Variants in PCDH15 observed in about 807,000 individuals in gnomAD.
PCDH15 encodes the protein protocadherin-15.
In PCDH15, 129 loss-of-function variants were observed where a neutral mutation model predicts 178.5. The observed-to-expected ratio is 0.72, with a 90% CI of 0.63 to 0.84. The LOEUF (loss-of-function observed/expected upper bound fraction) is 0.84. PCDH15 is among the 40% of genes least tolerant of loss of function. The probability of loss-of-function intolerance (pLI) is 0.00; values close to 1 mark genes in which losing one functional copy is unlikely to be tolerated. For missense variants in PCDH15, 2,230 were observed against 2,099.9 expected, an observed-to-expected ratio of 1.06 and a Z score of -1.21; for synonymous variants, 800 against 732.0, an observed-to-expected ratio of 1.09 and a Z score of -1.50.
intron 2 of PCDH15, among the ~76,000 whole-genome samples, chr10:55,141,959 G>C (rs1838363997): frequency 6.6e-6 from 1 of 151,924 alleles, no homozygotes; most frequent in South Asian, 2.1e-4. Context: ...ATTCAGGAAG[G>C]CCACATTCTG....
In PCDH15 at chr10:53,977,854, T is replaced by C. The variant is rs777537447; in HGVS notation, c.2869-15962A>G. Among the ~76,000 whole-genome samples, 44 of 152,184 alleles carry C rather than the reference T, an allele frequency of 2.9e-4. 1 individual carries two copies. Among genetic ancestry groups the C allele is most frequent in the Admixed American group, 2.0e-4 (3 of 15,280 alleles). ...TAAAATGAAGGGGCTACAGGCCCCA[T>C]GCATGTCTAAAATCCAGGGGGGAAG... On this transcript the variant is annotated intron_variant, in intron 21 of 37. Transcript: ENST00000644397.
chr10:55,267,877 T>C (rs1321334957), intron 1 of PCDH15, among the ~76,000 whole-genome samples: 1 of 152,188 alleles, frequency 6.6e-6, no homozygotes, highest in African/African-American at 2.4e-5. Flanking sequence ...CCTAAAAATA[T>C]ATTGGTGTCC....
chr10:54,100,226 G>T lies in PCDH15; in HGVS notation c.1918-10163C>A, dbSNP rs142481593. Reference sequence around the variant, plus strand: ...CTAAAAACACAAAAATTTGCCGGGCGTAGTGGTGTGCATTTGTAATCCCAG... The same window carrying T: ...CTAAAAACACAAAAATTTGCCGGGCTTAGTGGTGTGCATTTGTAATCCCAG... On this transcript the variant is annotated intron_variant, in intron 15 of 37. Coordinates refer to ENST00000644397, the MANE Select transcript of PCDH15 (RefSeq NM_001384140.1). Among the ~76,000 whole-genome samples, 3 of 152,012 alleles carry T rather than the reference G, an allele frequency of 2.0e-5. No individual in the cohort carries two copies. In the East Asian group the frequency reaches 5.8e-4, roughly 30 times the overall value.
intron 2 of PCDH15, among the ~76,000 whole-genome samples, chr10:55,134,752 G>A (rs1250982611): frequency 6.6e-6 from 1 of 152,288 alleles, no homozygotes; most frequent in African/African-American, 2.4e-5. Flanking sequence ...AACAGTTCAT[G>A]TGAGTTTTCC....
At chr10:54,899,056 A>G (rs1954595844) in intron 2 of PCDH15, among the ~76,000 whole-genome samples, 2 of 152,178 alleles carry the variant, frequency 1.3e-5, no homozygotes, top group Non-Finnish European at 2.9e-5. Context: ...ATTGGAAGCT[A>G]TCATAAAAGT....
intron 1 of PCDH15, among the ~76,000 whole-genome samples, chr10:54,687,293 TC>T (rs2095030339): frequency 6.6e-6 from 1 of 152,064 alleles, no homozygotes; most frequent in Admixed American, 6.6e-5. Context: ...GATTCAGTAA[TC>T]AAAATTCTTG....
intron 2 of PCDH15, among the ~76,000 whole-genome samples, chr10:54,924,619 C>T (rs923757635): frequency 1.3e-5 from 2 of 151,504 alleles, no homozygotes; most frequent in South Asian, 4.1e-4. Context: ...TTTTTTTTTA[C>T]CTTTTAAAAA....
chr10:54,352,326 A>G (rs2134274129), intron 5 of PCDH15, among the ~76,000 whole-genome samples: 1 of 152,286 alleles, frequency 6.6e-6, no homozygotes, highest in Admixed American at 6.5e-5. Flanking sequence ...CTTAAATAAT[A>G]CCTCTTCAAC....
chr10:54,268,513 G>T (rs553665230), intron 8 of PCDH15, among the ~76,000 whole-genome samples: 20 of 151,948 alleles, frequency 1.3e-4, no homozygotes, highest in African/African-American at 4.8e-4. Context: ...ATCAACATTG[G>T]TTTCCAACAA....
chr10:53,808,447 G>T, intron 37 of PCDH15: 2 of 1,258,440 alleles, frequency 1.6e-6, no homozygotes, highest in Non-Finnish European at 2.0e-6. Flanking sequence ...ATATTGATTA[G>T]CTGATTGCAT....
chr10:53,930,229 C>T (rs541540219), intron 25 of PCDH15, among the ~76,000 whole-genome samples: 3 of 151,764 alleles, frequency 2.0e-5, no homozygotes, highest in East Asian at 3.9e-4. Context: ...GAGGCCGAGG[C>T]GGGCAGATCA....
At chr10:54,834,469 C>T (rs11004590) in intron 3 of PCDH15, among the ~76,000 whole-genome samples, 35,605 of 151,774 alleles carry the variant, frequency 0.23, 4,535 homozygotes, top group East Asian at 0.3. Context: ...TGAGCCACTG[C>T]GCCCAGCTTA....
Position 54,307,040 on chromosome 10 carries a change from G to GTATATA in PCDH15, c.876+10225_876+10230dup, listed in dbSNP as rs1158139613. Among the ~76,000 whole-genome samples, 56 of 29,302 alleles carry GTATATA rather than the reference G, an allele frequency of 1.9e-3. 1 individual carries two copies. The highest frequency in any genetic ancestry group is 3.2e-3 in the South Asian group (2 of 626). The allele number at this position is 29,302 out of a possible 152,430, so 19.2% of individuals were successfully genotyped here. The stretch of plus-strand genomic sequence containing the variant: ...CATATATATATATATGTGTGTGTGT[G>GTATATA]TATATATATATATATATATATATAT... On this transcript the variant is annotated intron_variant, in intron 8 of 37. Coordinates refer to ENST00000644397, the MANE Select transcript of PCDH15 (RefSeq NM_001384140.1).
At chr10:55,549,578 G>T (rs1336869829) in intron 2 of PCDH15, among the ~76,000 whole-genome samples, 3 of 152,146 alleles carry the variant, frequency 2.0e-5, no homozygotes, top group Non-Finnish European at 4.4e-5. Flanking sequence ...AGTGATAAAT[G>T]AGGTGGGCTA....
At chr10:55,540,720 AAT>A (rs1417880556) in intron 2 of PCDH15, among the ~76,000 whole-genome samples, 1 of 152,086 alleles carries the variant, frequency 6.6e-6, no homozygotes, top group Non-Finnish European at 1.5e-5. Flanking sequence ...ATCAAAATCG[AAT>A]ATGTTCCCCA....
intron 1 of PCDH15, among the ~76,000 whole-genome samples, chr10:55,291,585 C>T (rs1843007953): frequency 6.6e-6 from 1 of 152,116 alleles, no homozygotes; most frequent in African/African-American, 2.4e-5. Context: ...TAGCAGATGT[C>T]TTTACTAAGT....
chr10:54,413,221 G>A (rs370637842), intron 3 of PCDH15, among the ~76,000 whole-genome samples: 20 of 152,112 alleles, frequency 1.3e-4, no homozygotes, highest in African/African-American at 3.6e-4. Context: ...GACAAGTAAC[G>A]AAGGGCCTTC....
chr10:55,297,988 G>A (rs1260117120), intron 1 of PCDH15, among the ~76,000 whole-genome samples: 1 of 152,074 alleles, frequency 6.6e-6, no homozygotes, highest in Admixed American at 6.6e-5. Context: ...GAGAGGAGAT[G>A]GAGTGGCTCT....
chr10:54,050,875 G>A (rs1175910846), intron 18 of PCDH15, among the ~76,000 whole-genome samples: 1 of 152,076 alleles, frequency 6.6e-6, no homozygotes, highest in Non-Finnish European at 1.5e-5. Context: ...GAGGGACCTG[G>A]TTGGAGGTAA....
Sources: allele counts gnomAD v4.1 joint callset (sites outside exome capture counted in the v4.1 genomes callset), GRCh38; gene constraint gnomAD v4.1.1; transcripts MANE v1.5; gene names NCBI Gene and HGNC (gene_info 2026-07-23, HGNC 2026-07-21).